The following TF variants were observed in gnomAD, a reference collection of about 807,000 sequenced individuals.
TF encodes the protein transferrin, also known as serotransferrin.
A neutral mutation model predicts 82.4 loss-of-function variants in TF; 55 were observed. That is an observed-to-expected ratio of 0.67 (90% confidence interval 0.54 to 0.84). The LOEUF (loss-of-function observed/expected upper bound fraction) is 0.84, where lower values mean the gene tolerates loss of function less well. Among genes scored for constraint, TF ranks in the 40% least tolerant of loss-of-function variants. The pLI is 0.00. For missense variants in TF, 737 were observed against 868.4 expected, an observed-to-expected ratio of 0.85 and a Z score of 1.90; for synonymous variants, 332 against 332.6, an observed-to-expected ratio of 1.00 and a Z score of 0.02.
intron 6 of TF, among the ~76,000 whole-genome samples, 165 bp from the exon 7 acceptor site, chr3:133,756,666 T>G (rs1933843219): frequency 6.6e-6 from 1 of 152,200 alleles, no homozygotes; most frequent in Non-Finnish European, 1.5e-5. Flanking sequence ...AGCCTTTACC[T>G]GGCTGTGGGC....
the TF span, among the ~76,000 whole-genome samples, chr3:133,682,809 C>T: frequency 1.3e-5 from 2 of 152,270 alleles, no homozygotes; most frequent in Middle Eastern, 3.4e-3. Context: ...GAGAACTTCC[C>T]CAACCTAGCA....
At chr3:133,729,818 G>A in the TF span, among the ~76,000 whole-genome samples, 1 of 151,900 alleles carries the variant, frequency 6.6e-6, no homozygotes, top group Non-Finnish European at 1.5e-5. Flanking sequence ...CCCCCCGTTT[G>A]GTTCTTTTAT....
chr3:133,757,625 C>A (rs1272088430), intron 7 of TF, 144 bp from the exon 8 acceptor site: 3 of 754,330 alleles, frequency 4.0e-6, no homozygotes, highest in Non-Finnish European at 4.5e-6. Flanking sequence ...GCTGGGTGAG[C>A]AGGAGCAGGT....
At chr3:133,718,038 T>C in the TF span, among the ~76,000 whole-genome samples, 6 of 151,752 alleles carry the variant, frequency 4.0e-5, no homozygotes, top group South Asian at 2.1e-4. Context: ...CGTTTAATCA[T>C]GAGTGAGTCC....
the TF span, among the ~76,000 whole-genome samples, chr3:133,722,747 T>C: frequency 6.6e-6 from 1 of 152,164 alleles, no homozygotes; most frequent in East Asian, 1.9e-4. Flanking sequence ...AGCCACTAAT[T>C]GTAGTTGTTT....
the TF span, among the ~76,000 whole-genome samples, chr3:133,727,308 C>G: frequency 2.0e-5 from 3 of 151,412 alleles, no homozygotes; most frequent in East Asian, 1.9e-4. Context: ...TTGTAGGTCA[C>G]TCAGGACTTG....
At chr3:133,683,357 G>T in the TF span, among the ~76,000 whole-genome samples, 1 of 152,052 alleles carries the variant, frequency 6.6e-6, no homozygotes, top group Non-Finnish European at 1.5e-5. Flanking sequence ...ATAACAATAT[G>T]AACCTTAAAT....
rs1258870030 is a variant in TF at position 133,777,114 on chromosome 3, G to A, written c.1938G>A (p.Lys646=). The A allele has an allele frequency of 2.4e-5, 39 of 1,614,166 alleles. No individual in the cohort carries two copies. Among genetic ancestry groups the A allele is most frequent in the Non-Finnish European group, 3.1e-5 (37 of 1,180,034 alleles). Residue 646 remains lysine, a synonymous_variant, in exon 16 of 17, where the codon AAG becomes AAA. Coordinates refer to ENST00000402696, the MANE Select transcript of TF (RefSeq NM_001063.4). The part of the protein sequence containing the change: ...GNFCLFRSET[K]DLLFRDDTVC... ...TTTGTTTGTTCCGGTCGGAAACCAA[G>A]GACCTTCTGTTCAGAGATGACACAG...
At chr3:133,686,639 C>A in the TF span, among the ~76,000 whole-genome samples, 2 of 152,146 alleles carry the variant, frequency 1.3e-5, no homozygotes, top group African/African-American at 4.8e-5. Flanking sequence ...CAAATCAAAA[C>A]CACAATGAGA....
the TF span, among the ~76,000 whole-genome samples, chr3:133,690,730 T>C: frequency 1.3e-5 from 2 of 152,178 alleles, no homozygotes; most frequent in Non-Finnish European, 2.9e-5. Context: ...TATTGGGGTT[T>C]GCAGAGGAGT....
At chr3:133,672,346 A>T in the TF span, among the ~76,000 whole-genome samples, 1 of 152,144 alleles carries the variant, frequency 6.6e-6, no homozygotes, top group African/African-American at 2.4e-5. Context: ...AAGAAGTAAC[A>T]TATTCCAATT....
the TF span, among the ~76,000 whole-genome samples, chr3:133,665,291 A>G: frequency 6.6e-6 from 1 of 151,906 alleles, no homozygotes; most frequent in African/African-American, 2.4e-5. Flanking sequence ...ACATGGTGAA[A>G]CCTCATCTCT....
chr3:133,741,206 G>A (rs1414722301), upstream of TF, among the ~76,000 whole-genome samples: 1 of 151,614 alleles, frequency 6.6e-6, no homozygotes, highest in African/African-American at 2.4e-5. Context: ...TGGCCATGCT[G>A]GTCTCAAACT....
intron 8 of TF, among the ~76,000 whole-genome samples, chr3:133,758,349 G>A (rs772491720): frequency 5.3e-5 from 8 of 152,180 alleles, no homozygotes; most frequent in Admixed American, 3.3e-4. Context: ...TCCCAGTCCT[G>A]GATTTCACTG....
At chr3:133,741,977 TGG>T (rs776251282), upstream of TF, among the ~76,000 whole-genome samples, 3 of 152,220 alleles carry the variant, frequency 2.0e-5, no homozygotes, top group Admixed American at 6.5e-5. Context: ...AGGAATATAT[TGG>T]TTTAATCCTT....
rs542044284 is a variant in TF at position 133,756,188 on chromosome 3, C to G, written c.636-94C>G. 4.8e-6 allele frequency: 6 copies of G among 1,260,596 alleles called. No individual in the cohort carries two copies. The East Asian group carries it at 1.2e-4, about 26-fold the overall frequency. 78.1% of individuals were successfully genotyped at this position (1,260,596 alleles called of 1,614,324 possible). On this transcript the variant is annotated intron_variant, in intron 5 of 16. Coordinates refer to ENST00000402696, the MANE Select transcript of TF (RefSeq NM_001063.4). Reference sequence around the variant, plus strand: ...CTACGGGGCTGCACCAGGCTCTATCCTAGTGTGAGTGCTGGACAGTGTGAT... The same window carrying G: ...CTACGGGGCTGCACCAGGCTCTATCGTAGTGTGAGTGCTGGACAGTGTGAT...
At chr3:133,746,560 C>A in intron 1 of TF, 77 bp downstream of exon 1, 1 of 1,474,088 alleles carries the variant, frequency 6.8e-7, no homozygotes, top group Non-Finnish European at 9.2e-7. Flanking sequence ...CACCGCGCAG[C>A]CTGCATGCAC....
rs1934770545 is a variant in TF, at chr3:133,789,313, T to G, written c.*10693T>G. 1 of 152,316 alleles carries G rather than the reference T, an allele frequency of 6.6e-6. No individual in the cohort carries two copies. The highest frequency in any genetic ancestry group is 1.5e-5 in the Non-Finnish European group (1 of 68,084). 9.4% of individuals were successfully genotyped at this position (152,316 alleles called of 1,614,324 possible). ...TATCCAGGCTTTGGTGCTGCTGTTCTAAGCAGGGGCAGGCCTAGTTATTAT... is the reference window on the plus strand; with the variant it reads ...TATCCAGGCTTTGGTGCTGCTGTTCGAAGCAGGGGCAGGCCTAGTTATTAT... On this transcript the variant is annotated 3_prime_UTR_variant, in exon 17 of 17. Coordinates refer to ENST00000402696, the MANE Select transcript of TF (RefSeq NM_001063.4).
chr3:133,760,754 TG>T, intron 9 of TF: 1 of 162,220 alleles, frequency 6.2e-6, no homozygotes, highest in Middle Eastern at 1.9e-3. Context: ...TTACAGATGT[TG>T]GGGCAGAAAC....
Sources: allele counts gnomAD v4.1 joint callset (sites outside exome capture counted in the v4.1 genomes callset), GRCh38; gene constraint gnomAD v4.1.1; transcripts MANE v1.5; gene names NCBI Gene and HGNC (gene_info 2026-07-23, HGNC 2026-07-21).